FKBP11: variants seen among roughly 807,000 people sequenced by gnomAD.
FKBP11 encodes the protein FKBP prolyl isomerase 11.
A neutral mutation model predicts 24.7 loss-of-function variants in FKBP11; 21 were observed. The ratio of observed to expected loss-of-function variants is 0.85; its 90% CI spans 0.60 to 1.23. The LOEUF (loss-of-function observed/expected upper bound fraction) is 1.23, where lower values mean the gene tolerates loss of function less well. FKBP11 is among the 50% of genes most tolerant of loss of function. FKBP11 has a pLI of 0.00. For missense variants in FKBP11, 245 were observed against 248.7 expected (o/e 0.99, Z 0.10); for synonymous variants, 106 against 100.6 (o/e 1.05, Z -0.32).
At chr12:48,938,699 T>G in the FKBP11 span, 1 of 531,498 alleles carries the variant, frequency 1.9e-6, no homozygotes, top group South Asian at 2.0e-5. Flanking sequence ...CATGAAACCG[T>G]AACAACTTTT....
the FKBP11 span, among the ~76,000 whole-genome samples, chr12:48,933,018 T>TA: frequency 1.3e-5 from 2 of 152,140 alleles, no homozygotes; most frequent in Non-Finnish European, 2.9e-5. Context: ...AGAGGCCAGA[T>TA]ACTCTCTTCT....
At chr12:48,934,461 C>T in the FKBP11 span, among the ~76,000 whole-genome samples, 1 of 152,146 alleles carries the variant, frequency 6.6e-6, no homozygotes, top group East Asian at 1.9e-4. Context: ...TATCTACCTC[C>T]CAGGTTCAGT....
At chr12:48,925,582 G>T, upstream of FKBP11, 1 of 977,490 alleles carries the variant, frequency 1.0e-6, no homozygotes, top group Non-Finnish European at 1.5e-6. Flanking sequence ...CCTCCACCTT[G>T]TCCCCACCTC....
upstream of FKBP11, among the ~76,000 whole-genome samples, chr12:48,930,943 C>A (rs747633662): frequency 2.0e-5 from 3 of 151,762 alleles, no homozygotes; most frequent in Admixed American, 6.6e-5. Flanking sequence ...TCCTGGCTAA[C>A]ACGGTGAAAC....
chr12:48,935,034 A>T, the FKBP11 span, among the ~76,000 whole-genome samples: 1 of 151,420 alleles, frequency 6.6e-6, no homozygotes, highest in East Asian at 1.9e-4. Flanking sequence ...AAAAAAAAAA[A>T]AAAAAGAAGA....
At chr12:48,922,370 G>A (rs1441781592) in intron 5 of FKBP11, 169 bp from the exon 6 acceptor site, 2 of 725,034 alleles carry the variant, frequency 2.8e-6, no homozygotes, top group Admixed American at 3.2e-5. Flanking sequence ...GAGGATTTAC[G>A]AGCAGAGTCC....
At position 48,922,891 on chromosome 12, in the gene FKBP11, G is replaced by A; in HGVS notation, c.389-690C>T. 2.8e-6 allele frequency: 3 copies of A among 1,059,094 alleles called. No homozygotes were observed. The South Asian group carries it at 7.3e-5, about 26-fold the overall frequency. The allele number at this position is 1,059,094 out of a possible 1,614,324, so 65.6% of individuals were successfully genotyped here. A position where few individuals can be genotyped will look rare whatever the true frequency, so the allele number is the denominator to read the frequency against. On this transcript the variant is annotated intron_variant, in intron 5 of 5. Coordinates refer to ENST00000550765, the MANE Select transcript of FKBP11 (RefSeq NM_016594.3). The stretch of plus-strand genomic sequence containing the variant: ...CAGCCAGGCGCGGTGGCTCATGCCT[G>A]TAATCCCCGCACTTTGGGAAGCCAA...
chr12:48,932,927 G>T, the FKBP11 span, among the ~76,000 whole-genome samples: 2 of 152,166 alleles, frequency 1.3e-5, no homozygotes, highest in Admixed American at 6.5e-5. Context: ...TCAGCCCTCT[G>T]CATAGATAGC....
In FKBP11 at chr12:48,922,008, T is replaced by G. The variant is rs1161191753; in HGVS notation, c.582A>C (p.Lys194Asn). ...ATTATTTCTTTTTGCTCTTGTTTCG[T>G]TTCTCTTCCTTGAGCTTCTTTTTGG... ...KVSKKKLKEE[K>N]RNKSKKK The change falls in exon 6 of 6, where the codon AAA (lysine) becomes AAC (asparagine). Residue 194 changes from lysine to asparagine, a missense_variant. Physicochemically the swap from Lys to Asn is moderately conservative, Grantham distance 94. Transcript: ENST00000550765. The G allele has an allele frequency of 6.2e-7, 1 of 1,604,398 alleles. No individual in the cohort carries two copies. The highest frequency in any genetic ancestry group is 2.2e-5 in the East Asian group (1 of 44,664).
the FKBP11 span, among the ~76,000 whole-genome samples, chr12:48,932,220 C>CATATTTATATATATAT: frequency 2.3e-5 from 1 of 43,634 alleles, no homozygotes; most frequent in Non-Finnish European, 4.3e-5. Flanking sequence ...ATCATATAAA[C>CATATTTATATATATAT]ATATATTTAT....
Position 48,925,360 on chromosome 12 carries a change from G to A in FKBP11, c.69C>T (p.Cys23=). ...LLLLLLSAAV[C]RAEAGLETES... ...CGGTTTCGAGCCCAGCCTCAGCCCGGCACACCGCCGCACTGAGCAGCAGCA... is the reference window on the plus strand; with the variant it reads ...CGGTTTCGAGCCCAGCCTCAGCCCGACACACCGCCGCACTGAGCAGCAGCA... The change falls in exon 1 of 6, where the codon TGC becomes TGT. Residue 23 remains cysteine, a synonymous_variant. Coordinates refer to ENST00000550765, the MANE Select transcript of FKBP11 (RefSeq NM_016594.3). 2 of 1,605,064 alleles carry A rather than the reference G, an allele frequency of 1.2e-6. No individual in the cohort carries two copies. The highest frequency in any genetic ancestry group is 2.2e-5 in the South Asian group (2 of 89,222).
At chr12:48,926,905 G>A (rs1939980039), upstream of FKBP11, among the ~76,000 whole-genome samples, 1 of 152,242 alleles carries the variant, frequency 6.6e-6, no homozygotes, top group African/African-American at 2.4e-5. Flanking sequence ...CACCTCCCGG[G>A]TTCAAGCGAT....
rs757120063 is a variant in FKBP11 at position 48,924,544 on chromosome 12, A to G, written c.283+17T>C. 3 of 1,607,046 alleles carry G rather than the reference A, an allele frequency of 1.9e-6. No individual in the cohort carries two copies. The highest frequency in any genetic ancestry group is 2.6e-6 in the Non-Finnish European group (3 of 1,173,604). ...TTAGGTTGGGAAGAGGTGGAATGGG[A>G]GGCACAGGTCACATACCTGGAATCA... is the stretch of plus-strand genomic sequence containing the variant. On this transcript the variant is annotated intron_variant, in intron 3 of 5. Coordinates refer to ENST00000550765, the MANE Select transcript of FKBP11 (RefSeq NM_016594.3).
the FKBP11 span, chr12:48,931,758 A>T: frequency 4.8e-6 from 2 of 413,360 alleles, no homozygotes; most frequent in East Asian, 8.7e-5. Flanking sequence ...CCAAAGAATA[A>T]GCAGAACACT....
At chr12:48,926,894 C>T (rs1939979559), upstream of FKBP11, among the ~76,000 whole-genome samples, 1 of 152,152 alleles carries the variant, frequency 6.6e-6, no homozygotes, top group Admixed American at 6.5e-5. Flanking sequence ...ACTGCAACCT[C>T]CACCTCCCGG....
chr12:48,925,788 T>G (rs1026104888), upstream of FKBP11: 3 of 263,230 alleles, frequency 1.1e-5, no homozygotes, highest in African/African-American at 6.5e-5. Flanking sequence ...CATGATTGTT[T>G]CCATTTTACA....
rs375260087 is a variant in FKBP11 at position 48,925,050 on chromosome 12, T to C, written c.191A>G (p.Tyr64Cys). The C allele has an allele frequency of 5.8e-5, 82 of 1,412,160 alleles. No homozygotes were observed. Among genetic ancestry groups the C allele is most frequent in the Non-Finnish European group, 7.4e-5 (77 of 1,034,630 alleles). 87.5% of individuals were successfully genotyped at this position (1,412,160 alleles called of 1,614,324 possible). A position where few individuals can be genotyped will look rare whatever the true frequency, so the allele number is the denominator to read the frequency against. ...CCGGCCCCCCAGACCCCTCACCGTG[T>C]AGTGTATGTGAAGCGTGTCTCCAAA... ...AAFGDTLHIH[Y>C]TGSLVDGRII... is the part of the protein sequence containing the mutation. The change falls in exon 2 of 6, where the codon TAC becomes TGC. Residue 64 changes from tyrosine to cysteine, a missense_variant. Coordinates refer to ENST00000550765, the MANE Select transcript of FKBP11 (RefSeq NM_016594.3).
At chr12:48,938,476 A>G in the FKBP11 span, 4 of 450,084 alleles carry the variant, frequency 8.9e-6, no homozygotes, top group Non-Finnish European at 1.3e-5. Context: ...ATGTATATAC[A>G]GGCGCACACA....
intron 5 of FKBP11, chr12:48,923,350 G>GT: frequency 7.0e-7 from 1 of 1,425,974 alleles, no homozygotes; most frequent in Non-Finnish European, 9.1e-7. Context: ...GTTGCTTTTT[G>GT]TTTTGTTTTG....
Sources: allele counts gnomAD v4.1 joint callset (sites outside exome capture counted in the v4.1 genomes callset), GRCh38; gene constraint gnomAD v4.1.1; transcripts MANE v1.5; gene names NCBI Gene and HGNC (gene_info 2026-07-23, HGNC 2026-07-21).